Variants in PXDNL observed in about 807,000 individuals in gnomAD.
PXDNL encodes the protein peroxidasin like.
A neutral mutation model predicts 150.8 loss-of-function variants in PXDNL; 145 were observed. The ratio of observed to expected loss-of-function variants is 0.96; its 90% CI spans 0.84 to 1.10. The LOEUF (loss-of-function observed/expected upper bound fraction) is 1.10. Ranked by LOEUF, PXDNL falls within the 50% of genes least tolerant of loss-of-function variation. The pLI, the probability that PXDNL is intolerant of heterozygous loss-of-function variation, is 0.00. For synonymous variants in PXDNL, 757 were observed against 725.7 expected (o/e 1.04, Z -0.69); for missense variants, 2,087 against 1,873.9 (o/e 1.11, Z -2.10).
intron 2 of PXDNL, among the ~76,000 whole-genome samples, chr8:51,616,175 AACAG>A (rs1814126083): frequency 6.6e-6 from 1 of 152,230 alleles, no homozygotes; most frequent in African/African-American, 2.4e-5. Flanking sequence ...TTCAGGGACC[AACAG>A]ACAGCTCATT....
chr8:51,735,097 G>A (rs144008305), intron 1 of PXDNL, among the ~76,000 whole-genome samples: 9 of 152,196 alleles, frequency 5.9e-5, no homozygotes, highest in African/African-American at 2.2e-4. Context: ...ATGTTAATTG[G>A]CTTGATTTAG....
chr8:51,420,082 G>T (rs1215875581), intron 14 of PXDNL, among the ~76,000 whole-genome samples: 1 of 152,130 alleles, frequency 6.6e-6, no homozygotes, highest in Non-Finnish European at 1.5e-5. Flanking sequence ...TGCGTAGATG[G>T]TTGTGTACTT....
intron 1 of PXDNL, among the ~76,000 whole-genome samples, chr8:51,780,432 G>A (rs1203762496): frequency 6.6e-6 from 1 of 151,992 alleles, no homozygotes; most frequent in Non-Finnish European, 1.5e-5. Context: ...AGAACCCCAG[G>A]TCAAGAAACA....
chr8:51,447,266 C>A, intron 11 of PXDNL, 104 bp from the exon 12 acceptor site: 6 of 1,239,992 alleles, frequency 4.8e-6, no homozygotes, highest in South Asian at 1.4e-5. Flanking sequence ...TCAGGAAATT[C>A]TCGGTGCTAG....
At chr8:51,499,351 G>C (rs114130284) in intron 5 of PXDNL, among the ~76,000 whole-genome samples, 2 of 152,138 alleles carry the variant, frequency 1.3e-5, no homozygotes, top group South Asian at 4.2e-4. Context: ...AGCTGGTATC[G>C]AACTCCTGAA....
At chr8:51,772,327 T>C (rs2037307814) in intron 1 of PXDNL, among the ~76,000 whole-genome samples, 1 of 152,062 alleles carries the variant, frequency 6.6e-6, no homozygotes, top group South Asian at 2.1e-4. Context: ...TCTGGCTGGA[T>C]ACCTGTGCTT....
At chr8:51,345,989 C>T (rs757038555) in intron 19 of PXDNL, 42 bp from the exon 20 acceptor site, 9 of 1,199,282 alleles carry the variant, frequency 7.5e-6, no homozygotes, top group East Asian at 2.3e-5. Context: ...ATGTGAGATG[C>T]GATGTCATGA....
At chr8:51,500,951 T>C (rs1047356368) in intron 4 of PXDNL, among the ~76,000 whole-genome samples, 1 of 152,234 alleles carries the variant, frequency 6.6e-6, no homozygotes. Context: ...TTCCTAGGCT[T>C]CCTTCTTATA....
intron 12 of PXDNL, chr8:51,436,659 T>C: frequency 5.3e-6 from 1 of 190,406 alleles, no homozygotes; most frequent in Non-Finnish European, 1.1e-5. Flanking sequence ...TTGTTTGAGC[T>C]GAACAATAAT....
intron 14 of PXDNL, among the ~76,000 whole-genome samples, chr8:51,413,575 A>G (rs1337618121): frequency 6.6e-6 from 1 of 152,152 alleles, no homozygotes; most frequent in African/African-American, 2.4e-5. Flanking sequence ...GCAATTTGTC[A>G]TCTTGGAGAA....
intron 14 of PXDNL, among the ~76,000 whole-genome samples, chr8:51,413,581 G>C (rs1003908797): frequency 6.6e-6 from 1 of 151,986 alleles, no homozygotes; most frequent in Non-Finnish European, 1.5e-5. Context: ...TGTCATCTTG[G>C]AGAAGGTATG....
At chr8:51,753,873 C>T (rs1002036089) in intron 1 of PXDNL, among the ~76,000 whole-genome samples, 5 of 152,184 alleles carry the variant, frequency 3.3e-5, no homozygotes, top group African/African-American at 1.2e-4. Context: ...TGCAGCTTGG[C>T]TCCTTACACA....
chr8:51,403,552 G>A (rs1158953749), intron 17 of PXDNL, among the ~76,000 whole-genome samples: 2 of 152,196 alleles, frequency 1.3e-5, no homozygotes, highest in Non-Finnish European at 2.9e-5. Context: ...ACTCCTTGGT[G>A]CAGCAAGACC....
intron 1 of PXDNL, among the ~76,000 whole-genome samples, chr8:51,765,919 C>T (rs1046815294): frequency 3.3e-5 from 5 of 151,716 alleles, no homozygotes; most frequent in African/African-American, 9.7e-5. Flanking sequence ...TTTCAGCTCA[C>T]TGCAAGCTCC....
At chr8:51,492,196 A>T (rs928465637) in intron 5 of PXDNL, among the ~76,000 whole-genome samples, 5 of 152,196 alleles carry the variant, frequency 3.3e-5, no homozygotes. Flanking sequence ...AATTTTCTTT[A>T]AGGGAAAACA....
At chr8:51,597,714 T>C (rs1297200778) in intron 2 of PXDNL, among the ~76,000 whole-genome samples, 5 of 150,490 alleles carry the variant, frequency 3.3e-5, no homozygotes, top group Non-Finnish European at 5.9e-5. Flanking sequence ...GATTGCATTT[T>C]TTTTCTTTTT....
At chr8:51,700,497 A>G (rs531599220) in intron 1 of PXDNL, among the ~76,000 whole-genome samples, 1 of 151,650 alleles carries the variant, frequency 6.6e-6, no homozygotes, top group Non-Finnish European at 1.5e-5. Flanking sequence ...ATACATATAT[A>G]CACACATATA....
chr8:51,461,447 G>T (rs192320834), intron 8 of PXDNL, among the ~76,000 whole-genome samples: 1 of 152,212 alleles, frequency 6.6e-6, no homozygotes, highest in East Asian at 1.9e-4. Context: ...GTAAGCTAGA[G>T]GGCAGCCACC....
rs966278135 is a variant in PXDNL, at chr8:51,377,143, C to CACACACACACACAA, written c.3558-2413_3558-2412insTTGTGTGTGTGTGT. 5.4e-4 allele frequency among the ~76,000 whole-genome samples: 81 copies of CACACACACACACAA among 149,360 alleles called. 1 individual carries two copies. The highest frequency in any genetic ancestry group is 2.1e-3 in the African/African-American group (81 of 39,246). ...ACACACACACACACACACACACACA[C>CACACACACACACAA]AAAGCCAAAGCCATTTCTGGACACT... On this transcript the variant is annotated intron_variant, in intron 17 of 22. Transcript: ENST00000356297.
Sources: gnomAD v4.1 joint callset for allele counts (sites outside exome capture counted in the v4.1 genomes callset) on GRCh38, gnomAD v4.1.1 for gene constraint, MANE v1.5 for transcripts, NCBI Gene and HGNC (gene_info 2026-07-23, HGNC 2026-07-21) for gene names.